BRCC3: variants seen among roughly 807,000 people sequenced by gnomAD.
BRCC3 encodes the protein lys-63-specific deubiquitinase BRCC36.
BRCC3 carries 15 observed loss-of-function variants against 28.0 expected under a neutral mutation model. The observed-to-expected ratio is 0.54, with a 90% CI of 0.36 to 0.82. The LOEUF (loss-of-function observed/expected upper bound fraction) is 0.82, where lower values mean the gene tolerates loss of function less well. Among genes scored for constraint, BRCC3 ranks in the 40% least tolerant of loss-of-function variants. The pLI is 0.01. For synonymous variants in BRCC3, 66 were observed against 80.3 expected, an observed-to-expected ratio of 0.82 and a Z score of 0.95; for missense variants, 109 against 225.9, an observed-to-expected ratio of 0.48 and a Z score of 3.32.
At position 155,078,636 on chromosome X, in the gene BRCC3, C is replaced by T. The variant is rs377286578; in HGVS notation, c.336C>T (p.Gly112=). The stretch of plus-strand genomic sequence containing the variant: ...CACACAGGTTGGCTGAACTGACAGG[C>T]CGCCCCATGAGAGTTGTGGGCTGGT... ...TEAERLAELT[G]RPMRVVGWYH... The change falls in exon 5 of 11, where the codon GGC becomes GGT. Residue 112 remains glycine (G), a synonymous_variant. Transcript: ENST00000330045. The T allele has an allele frequency of 1.8e-5, 21 of 1,199,005 alleles. No homozygotes were observed. The highest frequency in any genetic ancestry group is 2.0e-5 in the Non-Finnish European group (18 of 888,314).
chrX:155,099,220 A>G (rs2074231455), intron 7 of BRCC3: 1 of 803,406 alleles, frequency 1.2e-6, no homozygotes, highest in Admixed American at 5.3e-5. Context: ...AGAAGTCTGG[A>G]GATGGATATC....
At chrX:155,097,920 C>T (rs1256316465) in intron 7 of BRCC3, among the ~76,000 whole-genome samples, 1 of 111,156 alleles carries the variant, frequency 9.0e-6, no homozygotes, top group Non-Finnish European at 1.9e-5. Flanking sequence ...GGCGTGAACC[C>T]GGGAGGCGGA....
chrX:155,096,525 G>C (rs894335357), intron 7 of BRCC3, among the ~76,000 whole-genome samples: 1 of 112,019 alleles, frequency 8.9e-6, no homozygotes, highest in Admixed American at 9.4e-5. Context: ...CAAATCATTA[G>C]TCTTTAGGGA....
chrX:155,073,571 C>T, intron 3 of BRCC3, 140 bp downstream of exon 3: 1 of 723,904 alleles, frequency 1.4e-6, no homozygotes, highest in African/African-American at 2.2e-5. Flanking sequence ...AATCTACTCA[C>T]TAGGAATGGG....
At chrX:155,112,320 C>G (rs1157851375) in intron 7 of BRCC3, among the ~76,000 whole-genome samples, 3 of 111,645 alleles carry the variant, frequency 2.7e-5, no homozygotes, top group African/African-American at 9.7e-5. Context: ...GACTAATGGG[C>G]AGGTATCATA....
intron 4 of BRCC3, 58 bp from the exon 5 acceptor site, chrX:155,078,558 C>A: frequency 3.7e-6 from 3 of 808,136 alleles, no homozygotes; most frequent in Non-Finnish European, 5.5e-6. Flanking sequence ...GCTTTCTGAG[C>A]CCTTATTAGC....
Position 155,073,428 on chromosome X carries a change from A to G in BRCC3, c.192A>G (p.Glu64=), listed in dbSNP as rs1409910578. 1.8e-5 allele frequency: 21 copies of G among 1,166,431 alleles called. No individual in the cohort carries two copies. In the Admixed American group the frequency reaches 5.2e-4, roughly 29 times the overall value. ...YTGTEMRTVA[E]KVDAVRIVHI... ...GAACTGAAATGCGCACAGTTGCTGA[A>G]AAGGTATGTGTGCTAAAATTTTGCA... The change falls in exon 3 of 11, where the codon GAA becomes GAG. Residue 64 remains glutamate (E), a synonymous_variant. Coordinates refer to ENST00000330045, the MANE Select transcript of BRCC3 (RefSeq NM_001018055.3).
At chrX:155,085,401 T>G (rs192665728) in intron 5 of BRCC3, among the ~76,000 whole-genome samples, 2 of 112,508 alleles carry the variant, frequency 1.8e-5, no homozygotes, top group African/African-American at 6.5e-5. Flanking sequence ...GCATGTGACA[T>G]TCAGTCTAAC....
chrX:155,100,101 C>T (rs888668113), intron 7 of BRCC3, among the ~76,000 whole-genome samples: 10 of 111,659 alleles, frequency 9.0e-5, no homozygotes, highest in African/African-American at 3.3e-4. Context: ...ATACCCCTCA[C>T]CCAGATTCCC....
chrX:155,120,790 A>G (rs1340780503), intron 10 of BRCC3, among the ~76,000 whole-genome samples: 1 of 111,976 alleles, frequency 8.9e-6, no homozygotes, highest in East Asian at 2.8e-4. Flanking sequence ...AGTTTCCATT[A>G]TAGTAAAATG....
intron 7 of BRCC3, among the ~76,000 whole-genome samples, chrX:155,101,708 A>G (rs969673757): frequency 3.4e-4 from 38 of 111,177 alleles, no homozygotes; most frequent in African/African-American, 1.2e-3. Context: ...TCTTTCTTTG[A>G]TTTTCTAGCA....
chrX:155,105,334 T>C (rs1467464211), intron 7 of BRCC3, among the ~76,000 whole-genome samples: 3 of 111,185 alleles, frequency 2.7e-5, no homozygotes, highest in Non-Finnish European at 5.7e-5. Flanking sequence ...AATACAAAAA[T>C]TAGCCAAGTG....
intron 5 of BRCC3, among the ~76,000 whole-genome samples, chrX:155,083,913 A>G (rs782431622): frequency 1.2e-4 from 13 of 112,499 alleles, no homozygotes; most frequent in African/African-American, 4.2e-4. Flanking sequence ...CAGAGCTGAA[A>G]TACCCAGTCC....
intron 3 of BRCC3, among the ~76,000 whole-genome samples, chrX:155,074,758 C>G (rs1569560395): frequency 8.9e-6 from 1 of 112,144 alleles, no homozygotes; most frequent in African/African-American, 3.2e-5. Flanking sequence ...ATTAGTTAAG[C>G]TGCCTTTTTA....
chrX:155,114,382 A>G (rs1168731424), intron 7 of BRCC3, among the ~76,000 whole-genome samples: 1 of 111,374 alleles, frequency 9.0e-6, no homozygotes. Flanking sequence ...GCATTTTTCT[A>G]TTTATATAAG....
chrX:155,106,009 G>C (rs1264306131), intron 7 of BRCC3, among the ~76,000 whole-genome samples: 1 of 112,232 alleles, frequency 8.9e-6, no homozygotes, highest in Non-Finnish European at 1.9e-5. Context: ...ATTCTTACAT[G>C]TTTGGTTTTT....
chrX:155,088,194 T>C (rs1361287928), intron 5 of BRCC3, among the ~76,000 whole-genome samples: 1 of 112,011 alleles, frequency 8.9e-6, no homozygotes. Context: ...CAAAAAGGTA[T>C]ACACACAAAG....
intron 9 of BRCC3, among the ~76,000 whole-genome samples, chrX:155,118,948 A>G (rs1302044468): frequency 8.9e-6 from 1 of 111,738 alleles, no homozygotes; most frequent in African/African-American, 3.3e-5. Context: ...TACACCCCCA[A>G]AAGCTCATTT....
chrX:155,071,767 T>C (rs970567051), intron 1 of BRCC3, 117 bp downstream of exon 1: 3 of 842,341 alleles, frequency 3.6e-6, no homozygotes, highest in South Asian at 5.0e-5. Flanking sequence ...ATTTAGGTCC[T>C]TGGACACCCT....
Sources: allele counts gnomAD v4.1 joint callset (sites outside exome capture counted in the v4.1 genomes callset), GRCh38; gene constraint gnomAD v4.1.1; transcripts MANE v1.5; gene names NCBI Gene and HGNC (gene_info 2026-07-23, HGNC 2026-07-21).